Variants in GLCE observed in about 807,000 individuals in gnomAD.
The protein encoded by GLCE is D-glucuronyl C5-epimerase.
A neutral mutation model predicts 47.9 loss-of-function variants in GLCE; 19 were observed. The ratio of observed to expected loss-of-function variants is 0.40; its 90% CI spans 0.28 to 0.58. GLCE has a LOEUF of 0.58. Among genes scored for constraint, GLCE ranks in the 20% least tolerant of loss-of-function variants. The pLI, the probability that GLCE is intolerant of heterozygous loss-of-function variation, is 0.48. For synonymous variants in GLCE, 245 were observed against 263.4 expected, an observed-to-expected ratio of 0.93 and a Z score of 0.68; for missense variants, 556 against 743.3, an observed-to-expected ratio of 0.75 and a Z score of 2.93.
chr15:69,173,695 A>T (rs11072075), intron 1 of GLCE, among the ~76,000 whole-genome samples: 105,665 of 151,958 alleles, frequency 0.7, 37,798 homozygotes, highest in Non-Finnish European at 0.77. Flanking sequence ...AAAAATTTTT[A>T]AAAATTTTCT....
intron 1 of GLCE, among the ~76,000 whole-genome samples, chr15:69,207,508 G>C (rs1317681176): frequency 2.6e-5 from 4 of 151,974 alleles, no homozygotes; most frequent in African/African-American, 9.7e-5. Flanking sequence ...ATAATATATT[G>C]CTTTTGGATC....
At chr15:69,173,344 A>G (rs2051614973) in intron 1 of GLCE, among the ~76,000 whole-genome samples, 1 of 152,208 alleles carries the variant, frequency 6.6e-6, no homozygotes, top group South Asian at 2.1e-4. Context: ...GGGGTATATG[A>G]TAATACTTTT....
chr15:69,160,913 G>A lies in GLCE; in HGVS notation c.-105+156G>A, dbSNP rs897930879. Among the ~76,000 whole-genome samples the A allele has an allele frequency of 2.6e-5, 4 of 152,142 alleles. No homozygotes were observed. The highest frequency in any genetic ancestry group is 7.2e-5 in the African/African-American group (3 of 41,448). On this transcript the variant is annotated intron_variant, in intron 1 of 4. Transcript: ENST00000261858. The surrounding 1 kb of genome is among the most constrained non-coding windows in gnomAD (Gnocchi z 4.2). ...TTGGCGGGGTTTGGGAGTCCGGGGG[G>A]CGAGGAGGCGGTGCAGTGGGATCCG... is the stretch of plus-strand genomic sequence containing the variant.
intron 2 of GLCE, among the ~76,000 whole-genome samples, chr15:69,249,987 C>T (rs1234726015): frequency 1.3e-5 from 2 of 152,088 alleles, no homozygotes; most frequent in African/African-American, 4.8e-5. Flanking sequence ...TGTTTTAGAT[C>T]TCCAGCGTTA....
At chr15:69,249,709 C>G (rs139507388) in intron 2 of GLCE, among the ~76,000 whole-genome samples, 1 of 152,062 alleles carries the variant, frequency 6.6e-6, no homozygotes, top group African/African-American at 2.4e-5. Context: ...TGAAATACAA[C>G]CTTCATATTT....
intron 2 of GLCE, among the ~76,000 whole-genome samples, chr15:69,228,965 A>C (rs2052484572): frequency 6.6e-6 from 1 of 152,110 alleles, no homozygotes; most frequent in Non-Finnish European, 1.5e-5. Context: ...TGGGATTATA[A>C]ATTTCTTTAA....
intron 4 of GLCE, among the ~76,000 whole-genome samples, chr15:69,263,368 A>G (rs2053040424): frequency 6.6e-6 from 1 of 152,162 alleles, no homozygotes; most frequent in Non-Finnish European, 1.5e-5. Context: ...ACTTGTACAT[A>G]AAAGCATAGG....
intron 2 of GLCE, among the ~76,000 whole-genome samples, chr15:69,234,291 T>A (rs1176105959): frequency 6.6e-6 from 1 of 152,134 alleles, no homozygotes; most frequent in Non-Finnish European, 1.5e-5. Context: ...AAGATTATTT[T>A]TTTTTAATTT....
At position 69,268,973 on chromosome 15, in the gene GLCE, A is replaced by G; in HGVS notation, c.1583A>G (p.Glu528Gly). The change falls in exon 5 of 5, where the codon GAA becomes GGA. Residue 528 changes from glutamate to glycine, a missense_variant. By Grantham distance (98) the Glu-to-Gly change is moderately conservative. Transcript: ENST00000261858. ...GLYDLKETAG[E>G]KLGKEARSLY... The stretch of plus-strand genomic sequence containing the variant: ...TATGACTTAAAAGAAACTGCAGGGG[A>G]AAAACTCGGAAAAGAAGCAAGGTCC... 1.9e-6 allele frequency: 3 copies of G among 1,614,172 alleles called. No individual in the cohort carries two copies. Among genetic ancestry groups the G allele is most frequent in the Non-Finnish European group, 2.5e-6 (3 of 1,180,020 alleles).
chr15:69,249,993 C>G (rs1026138643), intron 2 of GLCE, among the ~76,000 whole-genome samples: 1 of 152,086 alleles, frequency 6.6e-6, no homozygotes, highest in Non-Finnish European at 1.5e-5. Flanking sequence ...AGATCTCCAG[C>G]GTTATAAGAC....
intron 1 of GLCE, among the ~76,000 whole-genome samples, chr15:69,185,728 A>G (rs929271563): frequency 1.3e-5 from 2 of 152,076 alleles, no homozygotes; most frequent in Admixed American, 6.6e-5. Flanking sequence ...TTTTCCCTAC[A>G]CACCAAGCAG....
Position 69,269,322 on chromosome 15 carries a change from A to T in GLCE, c.*78A>T. On this transcript the variant is annotated 3_prime_UTR_variant, in exon 5 of 5. Coordinates refer to ENST00000261858, the MANE Select transcript of GLCE (RefSeq NM_015554.3). ...CTCTGTCTCAGGAGAGCATAGGCAC[A>T]TTTTAAAAGGTTATGTACTAGGTTT... is the stretch of plus-strand genomic sequence containing the variant. 1 of 1,146,820 alleles carries T rather than the reference A, an allele frequency of 8.7e-7. No individual in the cohort carries two copies. The highest frequency in any genetic ancestry group is 1.3e-6 in the Non-Finnish European group (1 of 790,714). 71.0% of individuals were successfully genotyped at this position (1,146,820 alleles called of 1,614,324 possible).
intron 1 of GLCE, among the ~76,000 whole-genome samples, chr15:69,197,923 A>G (rs1290282407): frequency 6.6e-6 from 1 of 152,124 alleles, no homozygotes; most frequent in African/African-American, 2.4e-5. Context: ...AGGAAGAGAA[A>G]ATTGCTGCAG....
intron 1 of GLCE, among the ~76,000 whole-genome samples, chr15:69,163,983 CAT>C (rs1427832104): frequency 6.6e-6 from 1 of 151,974 alleles, no homozygotes; most frequent in Non-Finnish European, 1.5e-5. Context: ...AATGTTAAAA[CAT>C]GTTAAGTTTG....
chr15:69,170,679 T>G (rs2051576026), intron 1 of GLCE, among the ~76,000 whole-genome samples: 2 of 152,252 alleles, frequency 1.3e-5, no homozygotes, highest in African/African-American at 4.8e-5. Context: ...CCATTTTGTG[T>G]ATTAAAAATT....
chr15:69,177,380 G>A (rs888838513), intron 1 of GLCE, among the ~76,000 whole-genome samples: 2 of 151,998 alleles, frequency 1.3e-5, no homozygotes, highest in Non-Finnish European at 2.9e-5. Context: ...TGTTCTTTAT[G>A]ATGAATATAA....
intron 4 of GLCE, among the ~76,000 whole-genome samples, chr15:69,264,880 T>C (rs2053064151): frequency 6.6e-6 from 1 of 152,182 alleles, no homozygotes; most frequent in African/African-American, 2.4e-5. Context: ...GCTTATTTTT[T>C]AATCAGATTT....
intron 1 of GLCE, among the ~76,000 whole-genome samples, chr15:69,185,118 T>C (rs1458418019): frequency 6.6e-6 from 1 of 152,220 alleles, no homozygotes; most frequent in African/African-American, 2.4e-5. Context: ...TGAGGTTCTT[T>C]ATTCATTCTT....
At chr15:69,231,829 AC>A (rs2052527628) in intron 2 of GLCE, among the ~76,000 whole-genome samples, 1 of 151,834 alleles carries the variant, frequency 6.6e-6, no homozygotes, top group African/African-American at 2.4e-5. Context: ...TTTCCCTGTC[AC>A]TACTCAGGCT....
Sources: allele counts gnomAD v4.1 joint callset (sites outside exome capture counted in the v4.1 genomes callset), GRCh38; gene constraint gnomAD v4.1.1; non-coding constraint Gnocchi (gnomAD v3.1); transcripts MANE v1.5; gene names NCBI Gene and HGNC (gene_info 2026-07-23, HGNC 2026-07-21).